Variants in IARS1 observed in about 807,000 individuals in gnomAD.
The protein encoded by IARS1 is isoleucine--tRNA ligase, cytoplasmic.
A neutral mutation model predicts 168.2 loss-of-function variants in IARS1; 124 were observed. The observed-to-expected ratio is 0.74, with a 90% confidence interval of 0.64 to 0.86. IARS1 has a LOEUF of 0.86. Among genes scored for constraint, IARS1 ranks in the 40% least tolerant of loss-of-function variants. The probability of loss-of-function intolerance (pLI) is 0.00; values close to 1 mark genes in which losing one functional copy is unlikely to be tolerated. For missense variants in IARS1, 1,452 were observed against 1,515.8 expected, an observed-to-expected ratio of 0.96 and a Z score of 0.70; for synonymous variants, 532 against 529.4, an observed-to-expected ratio of 1.00 and a Z score of -0.07.
intron 29 of IARS1, among the ~76,000 whole-genome samples, chr9:92,241,564 A>AT (rs1828403405): frequency 6.6e-6 from 1 of 151,890 alleles, no homozygotes; most frequent in African/African-American, 2.4e-5. Context: ...CTGGTCTCGC[A>AT]CTCTTGACCT....
intron 12 of IARS1, 46 bp from the exon 13 acceptor site, chr9:92,270,029 T>C (rs1235143873): frequency 1.2e-5 from 14 of 1,210,462 alleles, no homozygotes; most frequent in Admixed American, 5.1e-5. Flanking sequence ...CTGAGACTAG[T>C]AGGCACTACG....
intron 31 of IARS1, among the ~76,000 whole-genome samples, chr9:92,224,232 G>A (rs925148439): frequency 1.3e-5 from 2 of 152,284 alleles, no homozygotes; most frequent in Admixed American, 6.5e-5. Context: ...TGCACAATAC[G>A]CTGTATCATC....
chr9:92,250,920 T>C, intron 22 of IARS1, 86 bp from the exon 23 acceptor site: 1 of 1,429,358 alleles, frequency 7.0e-7, no homozygotes, highest in Non-Finnish European at 9.5e-7. Flanking sequence ...CTAAACATGT[T>C]AGAGAATGAC....
intron 31 of IARS1, 94 bp from the exon 32 acceptor site, chr9:92,223,583 T>TA: frequency 7.0e-6 from 7 of 997,376 alleles, no homozygotes; most frequent in Non-Finnish European, 1.0e-5. Context: ...TGTATCTTTT[T>TA]ACGATAATGC....
chr9:92,289,597 TTAGTA>T (rs1835997646), intron 1 of IARS1, among the ~76,000 whole-genome samples, 171 bp from the exon 2 acceptor site: 1 of 152,220 alleles, frequency 6.6e-6, no homozygotes, highest in African/African-American at 2.4e-5. Flanking sequence ...CAGTGGCTTT[TTAGTA>T]TATTTACAAG....
In IARS1 at chr9:92,222,465, C is replaced by A; in HGVS notation, c.3706+55G>T. On this transcript the variant is annotated intron_variant, in intron 33 of 33. Transcript: ENST00000443024. The stretch of plus-strand genomic sequence containing the variant: ...TGTATATGCTACAAATGGTTAATGG[C>A]ATCAAAATCTACTTTCAACAAAAAT... 2.0e-6 allele frequency: 3 copies of A among 1,486,370 alleles called. No individual in the cohort carries two copies. The South Asian group carries it at 3.5e-5, about 18-fold the overall frequency. 92.1% of individuals were successfully genotyped at this position (1,486,370 alleles called of 1,614,324 possible).
intron 27 of IARS1, among the ~76,000 whole-genome samples, chr9:92,244,146 G>T (rs1035717866): frequency 6.6e-6 from 1 of 152,142 alleles, no homozygotes; most frequent in Non-Finnish European, 1.5e-5. Flanking sequence ...TGACACTTTT[G>T]TAAGGTGGAC....
chr9:92,293,482 G>A (rs778530680), intron 1 of IARS1, 129 bp downstream of exon 1: 1 of 530,944 alleles, frequency 1.9e-6, no homozygotes, highest in Non-Finnish European at 3.9e-6. Context: ...GGCTGGAAAC[G>A]AACGAACGGC....
chr9:92,250,168 T>C lies in IARS1; in HGVS notation c.2532+19A>G, dbSNP rs1330812603. 6.8e-7 allele frequency: 1 copy of C among 1,462,242 alleles called. No homozygotes were observed. Among genetic ancestry groups the C allele is most frequent in the African/African-American group, 1.4e-5 (1 of 71,924 alleles). The allele number at this position is 1,462,242 out of a possible 1,614,324, so 90.6% of individuals were successfully genotyped here. ...TAATTTAGGTCTGTGCCATGTAAAA[T>C]AGAAGTAAAATTTCAAACCTTTATG... On this transcript the variant is annotated intron_variant, in intron 24 of 33. Coordinates refer to ENST00000443024, the MANE Select transcript of IARS1 (RefSeq NM_002161.6).
chr9:92,288,228 A>G lies in IARS1; in HGVS notation c.174T>C (p.His58=), dbSNP rs1209601798. The change falls in exon 3 of 34, where the codon CAT becomes CAC. Residue 58 remains histidine (H), a synonymous_variant. Coordinates refer to ENST00000443024, the MANE Select transcript of IARS1 (RefSeq NM_002161.6). ...PFATGLPHYG[H]ILAGTIKDIV... is the part of the protein sequence containing the mutation. The stretch of plus-strand genomic sequence containing the variant: ...TATCTTTAATTGTACCCGCAAGTAT[A>G]TGTCCATAGTGAGGCAGTCCAGTTG... 2 of 1,613,912 alleles carry G rather than the reference A, an allele frequency of 1.2e-6. No individual in the cohort carries two copies. The highest frequency in any genetic ancestry group is 2.2e-5 in the East Asian group (1 of 44,876).
At chr9:92,264,437 G>A (rs1831991580) in intron 16 of IARS1, among the ~76,000 whole-genome samples, 2 of 151,860 alleles carry the variant, frequency 1.3e-5, no homozygotes, top group African/African-American at 4.8e-5. Context: ...TTTACATAAG[G>A]CACCAGATAA....
chr9:92,215,014 A>G (rs1179211781), intron 33 of IARS1, among the ~76,000 whole-genome samples: 1 of 152,204 alleles, frequency 6.6e-6, no homozygotes, highest in Non-Finnish European at 1.5e-5. Flanking sequence ...GCAGACTTAA[A>G]TGTCCCTGTC....
In IARS1 at chr9:92,271,566, C is replaced by T. The variant is rs769467556; in HGVS notation, c.1080G>A (p.Thr360=). The T allele has an allele frequency of 3.3e-5, 54 of 1,613,934 alleles. No homozygotes were observed. Among genetic ancestry groups the T allele is most frequent in the East Asian group, 4.5e-5 (2 of 44,892 alleles). ...CPVDASGCFT[T]EVTDFAGQYV... ...ACTGTCCTGCGAAATCTGTCACCTCCGTTGTGAAGCAGCCTGAAGCATCCA... is the reference window on the plus strand; with the variant it reads ...ACTGTCCTGCGAAATCTGTCACCTCTGTTGTGAAGCAGCCTGAAGCATCCA... Residue 360 remains threonine (T), a synonymous_variant, in exon 11 of 34, where the codon ACG becomes ACA. Coordinates refer to ENST00000443024, the MANE Select transcript of IARS1 (RefSeq NM_002161.6).
At chr9:92,270,408 C>T (rs1315180957) in intron 12 of IARS1, among the ~76,000 whole-genome samples, 1 of 152,034 alleles carries the variant, frequency 6.6e-6, no homozygotes, top group African/African-American at 2.4e-5. Context: ...GCTTCTCATC[C>T]TAAAAAAAAT....
At chr9:92,278,711 T>G (rs529071398) in intron 7 of IARS1, among the ~76,000 whole-genome samples, 6 of 152,190 alleles carry the variant, frequency 3.9e-5, no homozygotes, top group Non-Finnish European at 7.4e-5. Flanking sequence ...GGTAAATGTG[T>G]AAGTTCTTTT....
At chr9:92,288,963 C>CT (rs1255286399) in intron 2 of IARS1, among the ~76,000 whole-genome samples, 1 of 152,102 alleles carries the variant, frequency 6.6e-6, no homozygotes, top group Non-Finnish European at 1.5e-5. Flanking sequence ...AATCCCAGCA[C>CT]TTTGAGAGGC....
At chr9:92,289,227 A>G in intron 2 of IARS1, 74 bp downstream of exon 2, 1 of 609,312 alleles carries the variant, frequency 1.6e-6, no homozygotes, top group Non-Finnish European at 2.9e-6. Flanking sequence ...AAAAAAAAAA[A>G]GTATCTGCTT....
chr9:92,243,157 A>T, intron 28 of IARS1, 59 bp downstream of exon 28: 1 of 1,283,300 alleles, frequency 7.8e-7, no homozygotes. Context: ...TATCTTCTCC[A>T]AACAACCAAA....
intron 30 of IARS1, among the ~76,000 whole-genome samples, chr9:92,231,959 C>T (rs1029578722): frequency 1.3e-5 from 2 of 152,092 alleles, no homozygotes; most frequent in African/African-American, 4.8e-5. Flanking sequence ...GTTTATGTTA[C>T]CTCCACTACA....
Sources: allele counts gnomAD v4.1 joint callset (sites outside exome capture counted in the v4.1 genomes callset), GRCh38; gene constraint gnomAD v4.1.1; transcripts MANE v1.5; gene names NCBI Gene and HGNC (gene_info 2026-07-23, HGNC 2026-07-21).